GRIK1: variants seen among roughly 807,000 people sequenced by gnomAD.
GRIK1 encodes the protein glutamate receptor ionotropic, kainate 1.
In GRIK1, 69 loss-of-function variants were observed where a neutral mutation model predicts 105.7. The ratio of observed to expected loss-of-function variants is 0.65; its 90% CI spans 0.54 to 0.80. The LOEUF (loss-of-function observed/expected upper bound fraction) is 0.80, where lower values mean the gene tolerates loss of function less well. Among genes scored for constraint, GRIK1 ranks in the 30% least tolerant of loss-of-function variants. The probability of loss-of-function intolerance (pLI) is 0.00; values close to 1 mark genes in which losing one functional copy is unlikely to be tolerated. For synonymous variants in GRIK1, 438 were observed against 431.3 expected (o/e 1.02, Z -0.19); for missense variants, 1,109 against 1,167.3 (o/e 0.95, Z 0.73).
At chr21:29,662,608 A>G (rs1007801900) in intron 4 of GRIK1, among the ~76,000 whole-genome samples, 1 of 152,156 alleles carries the variant, frequency 6.6e-6, no homozygotes, top group Non-Finnish European at 1.5e-5. Context: ...AATTTGCTTG[A>G]AAGTCACCTT....
intron 1 of GRIK1, among the ~76,000 whole-genome samples, chr21:29,891,963 A>G (rs2069918140): frequency 6.6e-6 from 1 of 152,228 alleles, no homozygotes; most frequent in African/African-American, 2.4e-5. Flanking sequence ...TAGGTACTCA[A>G]TCTGAGCATT....
chr21:29,814,763 G>T (rs184359480), intron 1 of GRIK1, among the ~76,000 whole-genome samples: 1 of 152,236 alleles, frequency 6.6e-6, no homozygotes, highest in East Asian at 1.9e-4. Flanking sequence ...AAACCTGGAG[G>T]ATGTACAGGT....
At chr21:29,690,998 G>A (rs1309675311) in intron 2 of GRIK1, among the ~76,000 whole-genome samples, 1 of 151,870 alleles carries the variant, frequency 6.6e-6, no homozygotes, top group Non-Finnish European at 1.5e-5. Flanking sequence ...CATTTCATAG[G>A]TGTGTCATCC....
rs1171342160 is a variant in GRIK1, at chr21:29,560,282, TCTTTC to T, written c.2356+1337_2356+1341del. Among the ~76,000 whole-genome samples the T allele has an allele frequency of 5.1e-3, 214 of 41,886 alleles. 5 individuals are homozygous for T. Among genetic ancestry groups the T allele is most frequent in the African/African-American group, 0.018 (205 of 11,288 alleles). The allele number at this position is 41,886 out of a possible 152,430, so 27.5% of individuals were successfully genotyped here. A position where few individuals can be genotyped will look rare whatever the true frequency, so the allele number is the denominator to read the frequency against. On this transcript the variant is annotated intron_variant, in intron 15 of 17. Transcript: ENST00000327783. ...ACCAGGACCTTATATGATACAGTTT[TCTTTC>T]TTTCTTTCTTTCTTTCTTTCTTTCT...
chr21:29,914,243 G>C (rs1203776453), intron 1 of GRIK1, among the ~76,000 whole-genome samples: 1 of 152,066 alleles, frequency 6.6e-6, no homozygotes, highest in Non-Finnish European at 1.5e-5. Context: ...ATCATTGCCA[G>C]TAGAGAACCA....
chr21:29,767,429 A>G (rs1029232), intron 1 of GRIK1, among the ~76,000 whole-genome samples: 6,457 of 152,226 alleles, frequency 0.042, 190 homozygotes, highest in Non-Finnish European at 0.066. Flanking sequence ...TGTGGCTTTT[A>G]GAACAATTAA....
chr21:29,780,124 A>G (rs181258329), intron 1 of GRIK1, among the ~76,000 whole-genome samples: 2 of 152,294 alleles, frequency 1.3e-5, no homozygotes, highest in African/African-American at 4.8e-5. Context: ...AGGTGGATTC[A>G]GTGAGATAGA....
At chr21:29,770,056 T>C (rs998526129) in intron 1 of GRIK1, among the ~76,000 whole-genome samples, 1 of 152,192 alleles carries the variant, frequency 6.6e-6, no homozygotes, top group Non-Finnish European at 1.5e-5. Flanking sequence ...ACGAGTGCTA[T>C]TCTATAGTCC....
Position 29,681,123 on chromosome 21 carries a change from A to T in GRIK1, c.545-7959T>A, listed in dbSNP as rs563645037. On this transcript the variant is annotated intron_variant, in intron 3 of 17. Coordinates refer to ENST00000327783, the MANE Select transcript of GRIK1 (RefSeq NM_001330994.2). ...ACTCCAGCCTGGATGACAGAGAAAG[A>T]CTCCGTCTCAAAAATAAAGTAAAAG... 2.0e-3 allele frequency among the ~76,000 whole-genome samples: 304 copies of T among 152,214 alleles called. 2 individuals are homozygous for T. The highest frequency in any genetic ancestry group is 6.8e-3 in the African/African-American group (282 of 41,522).
intron 1 of GRIK1, among the ~76,000 whole-genome samples, chr21:29,908,228 A>C (rs1159649437): frequency 1.4e-5 from 2 of 142,630 alleles, no homozygotes; most frequent in East Asian, 2.0e-4. Flanking sequence ...TTTTATTTAC[A>C]CAGAAATGTA....
chr21:29,600,847 C>T (rs1601231527), intron 7 of GRIK1, among the ~76,000 whole-genome samples: 1 of 152,218 alleles, frequency 6.6e-6, no homozygotes, highest in Non-Finnish European at 1.5e-5. Context: ...CTTGGCTGTG[C>T]TGTATTTCAT....
At position 29,745,603 on chromosome 21, in the gene GRIK1, T is replaced by C. The variant is rs115130829; in HGVS notation, c.119-51540A>G. Among the ~76,000 whole-genome samples, 408 of 152,336 alleles carry C rather than the reference T, an allele frequency of 2.7e-3. 1 individual carries two copies. The highest frequency in any genetic ancestry group is 9.4e-3 in the African/African-American group (389 of 41,578). ...CTCTGATTCCCTCAATGAATACTTA[T>C]GTCATGCTGCCTGGTTACTTACCAA... On this transcript the variant is annotated intron_variant, in intron 1 of 17. Coordinates refer to ENST00000327783, the MANE Select transcript of GRIK1 (RefSeq NM_001330994.2).
chr21:29,665,648 G>C (rs1216015846), intron 4 of GRIK1, among the ~76,000 whole-genome samples: 1 of 152,220 alleles, frequency 6.6e-6, no homozygotes, highest in Admixed American at 6.5e-5. Context: ...AGGATTCTTG[G>C]TCACGTGTAT....
chr21:29,616,389 T>G (rs930259566), intron 7 of GRIK1, among the ~76,000 whole-genome samples: 1 of 152,232 alleles, frequency 6.6e-6, no homozygotes, highest in Non-Finnish European at 1.5e-5. Context: ...TTTTATCATT[T>G]AAATTCCAAG....
chr21:29,595,542 G>A (rs1339398273), intron 9 of GRIK1, among the ~76,000 whole-genome samples: 2 of 152,044 alleles, frequency 1.3e-5, no homozygotes, highest in Non-Finnish European at 2.9e-5. Flanking sequence ...TACTAAGAGG[G>A]GGACAAGGTT....
intron 16 of GRIK1, among the ~76,000 whole-genome samples, chr21:29,545,514 T>G (rs981971116): frequency 6.6e-6 from 1 of 152,262 alleles, no homozygotes; most frequent in African/African-American, 2.4e-5. Context: ...AGAGGCTGAA[T>G]TAGGGCCATA....
intron 1 of GRIK1, among the ~76,000 whole-genome samples, chr21:29,899,445 G>T (rs960414363): frequency 1.3e-5 from 2 of 151,908 alleles, no homozygotes; most frequent in Non-Finnish European, 2.9e-5. Flanking sequence ...TTTTTCATGC[G>T]TCTTTTCATT....
At chr21:29,893,811 C>G (rs1395708082) in intron 1 of GRIK1, among the ~76,000 whole-genome samples, 1 of 152,098 alleles carries the variant, frequency 6.6e-6, no homozygotes, top group Non-Finnish European at 1.5e-5. Context: ...GGAGGTTGCC[C>G]CATCTCTCCT....
At chr21:29,681,916 G>T (rs956190716) in intron 3 of GRIK1, among the ~76,000 whole-genome samples, 16 of 152,208 alleles carry the variant, frequency 1.1e-4, no homozygotes, top group African/African-American at 3.9e-4. Flanking sequence ...ATGGGACAGT[G>T]CAGTGGCAAT....
Sources: allele counts gnomAD v4.1 joint callset (sites outside exome capture counted in the v4.1 genomes callset), GRCh38; gene constraint gnomAD v4.1.1; transcripts MANE v1.5; gene names NCBI Gene and HGNC (gene_info 2026-07-23, HGNC 2026-07-21).